The following FAT1 variants were observed in gnomAD, a reference collection of about 807,000 sequenced individuals.
FAT1 encodes protocadherin Fat 1.
Under a neutral mutation model 329.8 loss-of-function variants are expected in FAT1, and 171 were observed. That is an observed-to-expected ratio of 0.52 (90% CI 0.46 to 0.59). The LOEUF (loss-of-function observed/expected upper bound fraction) is 0.59, where lower values mean the gene tolerates loss of function less well. FAT1 is among the 20% of genes least tolerant of loss of function. FAT1 has a pLI of 0.00. For synonymous variants in FAT1, 2,233 were observed against 2,228.6 expected, an observed-to-expected ratio of 1.00 and a Z score of -0.06; for missense variants, 5,672 against 5,774.4, an observed-to-expected ratio of 0.98 and a Z score of 0.57.
At chr4:186,670,775 C>A (rs894771688) in intron 2 of FAT1, among the ~76,000 whole-genome samples, 1 of 152,072 alleles carries the variant, frequency 6.6e-6, no homozygotes, top group Non-Finnish European at 1.5e-5. Context: ...AAAATGATAT[C>A]CATTACAGAC....
At chr4:186,695,546 G>A (rs975413587) in intron 2 of FAT1, among the ~76,000 whole-genome samples, 8 of 152,040 alleles carry the variant, frequency 5.3e-5, no homozygotes, top group Non-Finnish European at 1.0e-4. Context: ...TTAGATAAGC[G>A]TTTCCCTTTA....
intron 3 of FAT1, among the ~76,000 whole-genome samples, chr4:186,647,787 GT>G (rs748302114): frequency 4.6e-5 from 7 of 152,290 alleles, no homozygotes; most frequent in Non-Finnish European, 8.8e-5. Context: ...TAAAGGAAGT[GT>G]CTAGTTTAAG....
rs186265109 is a variant in FAT1 at position 186,648,358 on chromosome 4, A to C, written c.3581-8575T>G. Among the ~76,000 whole-genome samples the C allele has an allele frequency of 1.4e-4, 21 of 152,338 alleles. No homozygotes were observed. In the East Asian group the frequency reaches 3.9e-3, roughly 28 times the overall value. On this transcript the variant is annotated intron_variant, in intron 3 of 26. Transcript: ENST00000441802. ...TGGCTGAAAACTAAACTTAGGCTGGAAAATCTCAAATCAATTATTTTTTAA... is the reference window on the plus strand; with the variant it reads ...TGGCTGAAAACTAAACTTAGGCTGGCAAATCTCAAATCAATTATTTTTTAA...
At chr4:186,709,867 T>C (rs1744872952) in intron 1 of FAT1, 22 bp from the exon 2 acceptor site, 4 of 1,546,182 alleles carry the variant, frequency 2.6e-6, no homozygotes. Flanking sequence ...GAAATCAGAA[T>C]CGTTACCTTG....
chr4:186,680,442 G>A (rs968728502), intron 2 of FAT1, among the ~76,000 whole-genome samples: 2 of 152,080 alleles, frequency 1.3e-5, no homozygotes, highest in Non-Finnish European at 2.9e-5. Flanking sequence ...AATTACACAC[G>A]ACCGTTTCTG....
chr4:186,716,234 C>A (rs1353578784), intron 1 of FAT1, among the ~76,000 whole-genome samples: 1 of 152,156 alleles, frequency 6.6e-6, no homozygotes, highest in East Asian at 1.9e-4. Context: ...CTTTTCATTT[C>A]ACATGTTATG....
chr4:186,607,273 C>T (rs970996925), intron 16 of FAT1, among the ~76,000 whole-genome samples: 3 of 152,166 alleles, frequency 2.0e-5, no homozygotes, highest in African/African-American at 7.2e-5. Context: ...CCTTCACAGG[C>T]CTACCTCTCT....
chr4:186,603,645 G>A lies in FAT1; in HGVS notation c.10881C>T (p.Ile3627=), dbSNP rs1466083778. Residue 3627 remains isoleucine, a synonymous_variant, in exon 19 of 27, where the codon ATC becomes ATT. Coordinates refer to ENST00000441802, the MANE Select transcript of FAT1 (RefSeq NM_005245.4). The stretch of plus-strand genomic sequence containing the variant: ...GTGTGACTTGTCTGATATGCACTGT[G>A]ATGTCGGCCACCGTCGTGAACTTCC... ...TDGKFTTVAD[I]TVHIRQVTQE... is the part of the protein sequence containing the mutation. 6.2e-7 allele frequency: 1 copy of A among 1,614,008 alleles called. No individual in the cohort carries two copies. Among genetic ancestry groups the A allele is most frequent in the Non-Finnish European group, 8.5e-7 (1 of 1,179,886 alleles).
Position 186,614,361 on chromosome 4 carries a change from CA to C in FAT1, c.9076-18del, listed in dbSNP as rs745360600. On this transcript the variant is annotated intron_variant, in intron 11 of 26. Transcript: ENST00000441802. ...ATATAAAGTCTGCAAAGAGTTTAAACAAAAACGTTACATAAAAGCATTAACA... is the reference window on the plus strand; with the variant it reads ...ATATAAAGTCTGCAAAGAGTTTAAACAAAACGTTACATAAAAGCATTAACA... 6 of 1,492,208 alleles carry C rather than the reference CA, an allele frequency of 4.0e-6. No individual in the cohort carries two copies. Among genetic ancestry groups the C allele is most frequent in the Non-Finnish European group, 5.3e-6 (6 of 1,122,952 alleles). The allele number at this position is 1,492,208 out of a possible 1,614,324, so 92.4% of individuals were successfully genotyped here. A position where few individuals can be genotyped will look rare whatever the true frequency, so the allele number is the denominator to read the frequency against.
intron 26 of FAT1, among the ~76,000 whole-genome samples, chr4:186,594,344 A>C (rs751630376): frequency 8.6e-5 from 13 of 152,046 alleles, no homozygotes; most frequent in Non-Finnish European, 1.3e-4. Flanking sequence ...TACAGGCGTG[A>C]GCCACTGCGC....
chr4:186,702,586 A>G (rs1744381878), intron 2 of FAT1, among the ~76,000 whole-genome samples: 1 of 152,226 alleles, frequency 6.6e-6, no homozygotes, highest in Non-Finnish European at 1.5e-5. Flanking sequence ...CAATTTCTAC[A>G]AAATCTTCTG....
rs746850461 is a variant in FAT1 at position 186,613,198 on chromosome 4, A to T, written c.9374T>A (p.Phe3125Tyr). ...LEDVNDNAPE[F>Y]SADPYAITVF... Reference sequence around the variant, plus strand: ...GGTGATGGCATAAGGATCGGCAGAGAATTCGGGGGCGTTATCGTTCACATC... The same window carrying T: ...GGTGATGGCATAAGGATCGGCAGAGTATTCGGGGGCGTTATCGTTCACATC... Residue 3125 changes from phenylalanine to tyrosine, a missense_variant, in exon 13 of 27, where the codon TTC (phenylalanine) becomes TAC (tyrosine). This residue lies in a region of FAT1 where 3,966 missense variants were observed against 3,915.2 expected (regional missense o/e 1.01). Coordinates refer to ENST00000441802, the MANE Select transcript of FAT1 (RefSeq NM_005245.4). The T allele has an allele frequency of 1.2e-6, 2 of 1,613,798 alleles. No individual in the cohort carries two copies. The highest frequency in any genetic ancestry group is 2.2e-5 in the South Asian group (2 of 91,074).
chr4:186,595,797 A>G lies in FAT1; in HGVS notation c.13030T>C (p.Ser4344Pro), dbSNP rs1364364958. The change falls in exon 26 of 27, where the codon TCC becomes CCC. Residue 4344 changes from serine (S) to proline (P), a missense_variant. Ser to Pro is a moderately conservative substitution (Grantham distance 74). Transcript: ENST00000441802. ...GGCTTTTCCTCTAGAGGCTTCTTGG[A>G]AAGACAGGGATCAAGATCCACCACT... ...TKVVDLDPCLSKKPLEEKPSQ... is the reference protein window; with the variant it reads ...TKVVDLDPCLPKKPLEEKPSQ... 1.2e-6 allele frequency: 2 copies of G among 1,613,776 alleles called. No homozygotes were observed. Among genetic ancestry groups the G allele is most frequent in the Non-Finnish European group, 1.7e-6 (2 of 1,179,850 alleles).
intron 3 of FAT1, among the ~76,000 whole-genome samples, chr4:186,640,493 A>G (rs1741040969): frequency 6.6e-6 from 1 of 152,232 alleles, no homozygotes; most frequent in Non-Finnish European, 1.5e-5. Context: ...TTCTATAACT[A>G]TATTAATAAG....
intron 7 of FAT1, among the ~76,000 whole-genome samples, chr4:186,630,587 G>A (rs954921508): frequency 1.3e-5 from 2 of 152,156 alleles, no homozygotes; most frequent in African/African-American, 2.4e-5. Context: ...CCAAACCAGT[G>A]CTGATGTGCA....
At chr4:186,626,275 T>C (rs374371264) in intron 9 of FAT1, among the ~76,000 whole-genome samples, 1 of 82,888 alleles carries the variant, frequency 1.2e-5, no homozygotes, top group African/African-American at 5.1e-5. Context: ...GCACATAAAG[T>C]GAGCTTCATC....
chr4:186,595,566 G>A (rs1437121782), intron 26 of FAT1, 123 bp downstream of exon 26: 1 of 1,107,198 alleles, frequency 9.0e-7, no homozygotes, highest in African/African-American at 1.6e-5. Context: ...TTGTTTAAAA[G>A]TGGTCCAAGA....
intron 3 of FAT1, among the ~76,000 whole-genome samples, chr4:186,646,956 T>C (rs982609484): frequency 3.9e-5 from 6 of 152,164 alleles, no homozygotes; most frequent in Non-Finnish European, 8.8e-5. Context: ...GTTTTGTTTT[T>C]GCTTCTTTTT....
intron 1 of FAT1, among the ~76,000 whole-genome samples, chr4:186,723,419 G>A (rs1476690468): frequency 1.3e-5 from 2 of 152,214 alleles, no homozygotes; most frequent in Non-Finnish European, 2.9e-5. Flanking sequence ...CCCAGCAATG[G>A]CCCCGGATCG....
Sources: gnomAD v4.1 joint callset for allele counts (sites outside exome capture counted in the v4.1 genomes callset) on GRCh38, gnomAD v4.1.1 for gene constraint, gnomAD v4.1.1 regional missense constraint, MANE v1.5 for transcripts, NCBI Gene and HGNC (gene_info 2026-07-23, HGNC 2026-07-21) for gene names.